The following SSPN variants were observed in gnomAD, a reference collection of about 807,000 sequenced individuals.
The protein encoded by SSPN is K-ras oncogene-associated protein.
A neutral mutation model predicts 19.1 loss-of-function variants in SSPN; 15 were observed. The ratio of observed to expected loss-of-function variants is 0.78; its 90% CI spans 0.52 to 1.21. The LOEUF (loss-of-function observed/expected upper bound fraction) is 1.21. Ranked by LOEUF, SSPN falls within the 50% of genes most tolerant of loss-of-function variation. The probability of loss-of-function intolerance (pLI) is 0.00; values close to 1 mark genes in which losing one functional copy is unlikely to be tolerated. For missense variants in SSPN, 291 were observed against 314.0 expected (o/e 0.93, Z 0.55); for synonymous variants, 147 against 140.3 (o/e 1.05, Z -0.34).
intron 1 of SSPN, among the ~76,000 whole-genome samples, chr12:26,151,253 G>A (rs922941437): frequency 5.3e-5 from 8 of 151,972 alleles, no homozygotes; most frequent in Non-Finnish European, 1.2e-4. Context: ...AAATACCCAG[G>A]CAAAACCACC....
chr12:26,228,864 G>T (rs1945203405), intron 2 of SSPN, among the ~76,000 whole-genome samples: 2 of 152,026 alleles, frequency 1.3e-5, no homozygotes, highest in Non-Finnish European at 2.9e-5. Flanking sequence ...AAATATTGAG[G>T]GCCAGACGAA....
upstream of SSPN, among the ~76,000 whole-genome samples, chr12:26,192,375 T>C (rs1343476298): frequency 4.0e-4 from 61 of 152,220 alleles, 2 homozygotes; most frequent in Admixed American, 4.0e-3. Flanking sequence ...TTATGAATAC[T>C]GAAAAACCCA....
chr12:26,129,455 A>G (rs1944385783), intron 1 of SSPN, among the ~76,000 whole-genome samples: 1 of 152,168 alleles, frequency 6.6e-6, no homozygotes, highest in Non-Finnish European at 1.5e-5. Context: ...CAGGCACACC[A>G]CAGAAAGAAG....
Position 26,195,642 on chromosome 12 carries a change from C to CTGGGG in SSPN, c.-31_-30insTGGGG. On this transcript the variant is annotated 5_prime_UTR_variant, in exon 1 of 3. Coordinates refer to ENST00000242729, the MANE Select transcript of SSPN (RefSeq NM_005086.5). The stretch of plus-strand genomic sequence containing the variant: ...TCCAGGGCCCAGGGCGCCGCACACG[C>CTGGGG]ACCCACCCACCCACCCAGCCTCGCA... The CTGGGG allele has an allele frequency of 1.5e-5, 14 of 907,484 alleles. No homozygotes were observed. The highest frequency in any genetic ancestry group is 1.8e-5 in the Non-Finnish European group (13 of 720,036). The allele number at this position is 907,484 out of a possible 1,614,324, so 56.2% of individuals were successfully genotyped here.
chr12:26,211,928 C>A (rs1944991338), intron 1 of SSPN, among the ~76,000 whole-genome samples: 1 of 152,318 alleles, frequency 6.6e-6, no homozygotes, highest in Non-Finnish European at 1.5e-5. Context: ...TCTAGCCATA[C>A]AAAGCGCTTT....
intron 1 of SSPN, among the ~76,000 whole-genome samples, chr12:26,139,456 A>G (rs1034679314): frequency 2.6e-5 from 4 of 152,338 alleles, no homozygotes; most frequent in Non-Finnish European, 4.4e-5. Context: ...GCTATTCACA[A>G]TGTGATAACT....
chr12:26,206,680 C>G (rs1031845702), intron 1 of SSPN, among the ~76,000 whole-genome samples: 1 of 152,154 alleles, frequency 6.6e-6, no homozygotes, highest in Non-Finnish European at 1.5e-5. Flanking sequence ...TTGAAAATCC[C>G]CAAGTGAAAC....
At chr12:26,122,196 G>C in intron 1 of SSPN, 2 of 1,408,472 alleles carry the variant, frequency 1.4e-6, no homozygotes, top group East Asian at 2.9e-5. Context: ...CGCCCCAAGG[G>C]GCGCCACCTC....
At chr12:26,160,538 T>G (rs1944581417) in intron 1 of SSPN, among the ~76,000 whole-genome samples, 1 of 152,206 alleles carries the variant, frequency 6.6e-6, no homozygotes, top group Non-Finnish European at 1.5e-5. Context: ...CTTTGAAAAA[T>G]TATGCAAGCA....
intron 1 of SSPN, among the ~76,000 whole-genome samples, chr12:26,129,790 T>C (rs1944387381): frequency 6.6e-6 from 1 of 152,260 alleles, no homozygotes; most frequent in Non-Finnish European, 1.5e-5. Context: ...TTGCATAGCT[T>C]CAAGGAGCAG....
chr12:26,203,782 A>G (rs1565686256), intron 1 of SSPN, among the ~76,000 whole-genome samples: 1 of 152,240 alleles, frequency 6.6e-6, no homozygotes, highest in East Asian at 1.9e-4. Context: ...GGAGACGGGA[A>G]GTCCAAGATC....
chr12:26,122,641 C>T, intron 1 of SSPN: 3 of 1,303,626 alleles, frequency 2.3e-6, no homozygotes, highest in Non-Finnish European at 9.8e-7. Flanking sequence ...CCCCCCGGGC[C>T]GCCGCCGCTG....
At chr12:26,219,817 G>T (rs539176402) in intron 1 of SSPN, among the ~76,000 whole-genome samples, 1 of 152,124 alleles carries the variant, frequency 6.6e-6, no homozygotes, top group South Asian at 2.1e-4. Flanking sequence ...TGCCACACAC[G>T]TGCCATTTGC....
intron 1 of SSPN, chr12:26,124,270 A>AC: frequency 3.2e-6 from 1 of 311,342 alleles, no homozygotes; most frequent in Non-Finnish European, 5.4e-6. Flanking sequence ...CCGCCCCCCC[A>AC]CCATAAAACA....
Position 26,122,509 on chromosome 12 carries a change from G to A in SSPN, c.-31+357G>A, listed in dbSNP as rs959336645. On this transcript the variant is annotated intron_variant, in intron 1 of 2. Coordinates refer to the SSPN transcript ENST00000538142. ...GCGGCGGCCGCGGGCTGCGGGAAGG[G>A]CGCGCCTCCGCCTCCGCCGAACGCC... 220 of 1,302,852 alleles carry A rather than the reference G, an allele frequency of 1.7e-4. 1 individual carries two copies. Among genetic ancestry groups the A allele is most frequent in the Non-Finnish European group, 2.0e-4 (202 of 1,015,460 alleles). The allele number at this position is 1,302,852 out of a possible 1,614,324, so 80.7% of individuals were successfully genotyped here.
rs1159167993 is a variant in SSPN at position 26,231,058 on chromosome 12, C to G, written c.714C>G (p.Gly238=). The change falls in exon 3 of 3, where the codon GGC becomes GGG. Residue 238 remains glycine, a synonymous_variant. Coordinates refer to ENST00000242729, the MANE Select transcript of SSPN (RefSeq NM_005086.5). ...VRICSLTASE[G]PQQKI ...TATGCTCCCTCACGGCTTCCGAAGG[C>G]CCCCAGCAAAAGATCTAACATTCTT... The G allele has an allele frequency of 6.2e-7, 1 of 1,612,884 alleles. No individual in the cohort carries two copies. The highest frequency in any genetic ancestry group is 8.5e-7 in the Non-Finnish European group (1 of 1,179,212).
chr12:26,189,632 T>C (rs561274013), intron 1 of SSPN, among the ~76,000 whole-genome samples: 5 of 152,302 alleles, frequency 3.3e-5, no homozygotes, highest in African/African-American at 9.6e-5. Flanking sequence ...CTTTATATTG[T>C]CCCTTTAGCT....
chr12:26,170,765 T>A (rs2137432592), intron 1 of SSPN, among the ~76,000 whole-genome samples: 1 of 152,296 alleles, frequency 6.6e-6, no homozygotes, highest in South Asian at 2.1e-4. Context: ...TCTTCCCAGT[T>A]AGGTATTTCT....
At chr12:26,136,193 G>A (rs990328965) in intron 1 of SSPN, among the ~76,000 whole-genome samples, 5 of 152,194 alleles carry the variant, frequency 3.3e-5, no homozygotes, top group East Asian at 1.9e-4. Flanking sequence ...ATGGGATGAC[G>A]TGTGTAGGCT....
Sources: gnomAD v4.1 joint callset for allele counts (sites outside exome capture counted in the v4.1 genomes callset) on GRCh38, gnomAD v4.1.1 for gene constraint, MANE v1.5 for transcripts, NCBI Gene and HGNC (gene_info 2026-07-23, HGNC 2026-07-21) for gene names.